Variants in MYO16 observed in about 807,000 individuals in gnomAD.
The protein encoded by MYO16 is myosin XVI.
MYO16 carries 94 observed loss-of-function variants against 205.3 expected under a neutral mutation model. The observed-to-expected ratio is 0.46, with a 90% confidence interval of 0.39 to 0.54. The LOEUF is 0.54. Among genes scored for constraint, MYO16 ranks in the 20% least tolerant of loss-of-function variants. MYO16 has a pLI of 0.00. For missense variants in MYO16, 2,315 were observed against 2,387.5 expected, an observed-to-expected ratio of 0.97 and a Z score of 0.63; for synonymous variants, 988 against 954.0, an observed-to-expected ratio of 1.04 and a Z score of -0.66.
At position 108,890,754 on chromosome 13, in the gene MYO16, TTGAG is replaced by T. The variant is rs141839436; in HGVS notation, c.1659+2283_1659+2286del. ...CCAGAGACTCCTTTGCTCAAAGCCC[TTGAG>T]TGAGTCTCTGTTCCCTTTACATCAA... On this transcript the variant is annotated intron_variant, in intron 14 of 34. Coordinates refer to ENST00000457511, the MANE Select transcript of MYO16 (RefSeq NM_001198950.3). 5.9e-5 allele frequency among the ~76,000 whole-genome samples: 9 copies of T among 152,344 alleles called. No homozygotes were observed. In the East Asian group the frequency reaches 1.2e-3, roughly 20 times the overall value.
the MYO16 span, among the ~76,000 whole-genome samples, chr13:108,522,276 GA>G: frequency 6.6e-6 from 1 of 152,110 alleles, no homozygotes; most frequent in Non-Finnish European, 1.5e-5. Context: ...ATGCTAAAAA[GA>G]AAATCTGGCA....
chr13:109,129,221 G>A (rs1300814683), intron 31 of MYO16, among the ~76,000 whole-genome samples: 1 of 152,076 alleles, frequency 6.6e-6, no homozygotes, highest in Admixed American at 6.6e-5. Context: ...AAAAGTTACT[G>A]TCTTAGTATA....
At chr13:108,657,672 T>C (rs1881305288) in intron 1 of MYO16, among the ~76,000 whole-genome samples, 1 of 152,220 alleles carries the variant, frequency 6.6e-6, no homozygotes, top group African/African-American at 2.4e-5. Context: ...TTCTTCTGTG[T>C]GTATTTTGAC....
At chr13:108,656,580 G>T (rs1881255240) in intron 1 of MYO16, among the ~76,000 whole-genome samples, 1 of 150,496 alleles carries the variant, frequency 6.6e-6, no homozygotes, top group Admixed American at 6.6e-5. Context: ...AAAATATAAG[G>T]AGAAGTGATT....
intron 11 of MYO16, among the ~76,000 whole-genome samples, chr13:108,865,275 A>G (rs1210403857): frequency 6.6e-6 from 1 of 151,982 alleles, no homozygotes; most frequent in African/African-American, 2.4e-5. Flanking sequence ...ATGTTCCACT[A>G]TAATTGTGAA....
At chr13:108,732,699 A>C (rs1285444608) in intron 4 of MYO16, among the ~76,000 whole-genome samples, 1 of 152,218 alleles carries the variant, frequency 6.6e-6, no homozygotes, top group Non-Finnish European at 1.5e-5. Context: ...TATGGAAAGA[A>C]GTGACGTGAT....
intron 16 of MYO16, among the ~76,000 whole-genome samples, chr13:108,922,492 C>T (rs1481582890): frequency 9.2e-5 from 14 of 152,180 alleles, no homozygotes; most frequent in Non-Finnish European, 1.5e-5. Flanking sequence ...GCTTAAAATG[C>T]TTTGATTTTC....
At chr13:109,202,594 T>G (rs1880441140) in intron 34 of MYO16, among the ~76,000 whole-genome samples, 3 of 152,218 alleles carry the variant, frequency 2.0e-5, no homozygotes, top group Admixed American at 2.0e-4. Flanking sequence ...TGCTCTTTGA[T>G]GGGTAGAATC....
chr13:108,780,578 A>G (rs1337928), intron 4 of MYO16, among the ~76,000 whole-genome samples: 51,451 of 151,952 alleles, frequency 0.34, 9,873 homozygotes, highest in East Asian at 0.63. Context: ...TTGTAACTAT[A>G]TAAACCCTTG....
chr13:109,105,572 T>C (rs1440917480), intron 28 of MYO16, among the ~76,000 whole-genome samples: 2 of 152,248 alleles, frequency 1.3e-5, no homozygotes, highest in African/African-American at 4.8e-5. Flanking sequence ...AAGATACATG[T>C]ATTAATGCAT....
At chr13:108,807,141 C>T (rs969761480) in intron 7 of MYO16, among the ~76,000 whole-genome samples, 11 of 152,000 alleles carry the variant, frequency 7.2e-5, no homozygotes, top group Admixed American at 2.0e-4. Flanking sequence ...GTGTTTTCTA[C>T]GGCAAATATT....
At chr13:108,565,541 AC>A in the MYO16 span, among the ~76,000 whole-genome samples, 42 of 152,052 alleles carry the variant, frequency 2.8e-4, no homozygotes, top group African/African-American at 9.4e-4. Context: ...CTGCATCTTT[AC>A]TGAATTTGTT....
At chr13:108,520,913 A>G in the MYO16 span, among the ~76,000 whole-genome samples, 69 of 152,256 alleles carry the variant, frequency 4.5e-4, no homozygotes, top group East Asian at 5.4e-3. Flanking sequence ...AGGGGCCTCA[A>G]ATGAGTCTGT....
At chr13:108,630,546 T>C (rs972962877) in intron 1 of MYO16, among the ~76,000 whole-genome samples, 3 of 152,232 alleles carry the variant, frequency 2.0e-5, no homozygotes, top group Admixed American at 6.5e-5. Context: ...TCTAAACCAA[T>C]TCTGGATGGT....
chr13:108,701,456 C>T (rs1883304314), intron 2 of MYO16, among the ~76,000 whole-genome samples: 1 of 152,066 alleles, frequency 6.6e-6, no homozygotes, highest in Non-Finnish European at 1.5e-5. Flanking sequence ...TTTTGCCCTC[C>T]CCTTCTTCCT....
At chr13:109,054,257 C>T in intron 25 of MYO16, 2 of 339,266 alleles carry the variant, frequency 5.9e-6, no homozygotes, top group Non-Finnish European at 1.2e-5. Flanking sequence ...CAGGGCTGCA[C>T]ATATTTGCTT....
intron 4 of MYO16, among the ~76,000 whole-genome samples, chr13:108,761,371 G>GA (rs747329689): frequency 1.3e-5 from 2 of 150,222 alleles, no homozygotes; most frequent in African/African-American, 2.4e-5. Flanking sequence ...AAAAGAAAAA[G>GA]AAAAAAAAGC....
the MYO16 span, among the ~76,000 whole-genome samples, chr13:108,532,067 G>A: frequency 2.6e-5 from 4 of 152,134 alleles, no homozygotes; most frequent in East Asian, 3.9e-4. Flanking sequence ...TTAGCCAGGC[G>A]TAGTGGTGCA....
intron 32 of MYO16, among the ~76,000 whole-genome samples, chr13:109,151,166 A>C (rs1335693669): frequency 7.9e-5 from 12 of 152,132 alleles, no homozygotes; most frequent in Non-Finnish European, 2.9e-5. Context: ...TTAGCCTACA[A>C]AATTTCACGC....
Sources: allele counts gnomAD v4.1 joint callset (sites outside exome capture counted in the v4.1 genomes callset), GRCh38; gene constraint gnomAD v4.1.1; transcripts MANE v1.5; gene names NCBI Gene and HGNC (gene_info 2026-07-23, HGNC 2026-07-21).